Variants in VPS13D observed in about 807,000 individuals in gnomAD.
The protein encoded by VPS13D is intermembrane lipid transfer protein VPS13D.
Under a neutral mutation model 461.9 loss-of-function variants are expected in VPS13D, and 187 were observed. The ratio of observed to expected loss-of-function variants is 0.40; its 90% CI spans 0.36 to 0.46. The LOEUF is 0.46. Among genes scored for constraint, VPS13D ranks in the 20% least tolerant of loss-of-function variants. VPS13D has a pLI of 0.60. For synonymous variants in VPS13D, 1,951 were observed against 1,986.3 expected (o/e 0.98, Z 0.47); for missense variants, 4,711 against 5,364.9 (o/e 0.88, Z 3.81).
In VPS13D at chr1:12,288,321, G is replaced by GT; in HGVS notation, c.5725+9dup. ...CACACCTGGAAATGATTGGTAAGTG[G>GT]TGGGGGGTGGAGGGAAGCAAACTTG... is the stretch of plus-strand genomic sequence containing the variant. On this transcript the variant is annotated intron_variant, in intron 22 of 69. Coordinates refer to ENST00000620676, the MANE Select transcript of VPS13D (RefSeq NM_015378.4). 1 of 1,613,732 alleles carries GT rather than the reference G, an allele frequency of 6.2e-7. No homozygotes were observed. Among genetic ancestry groups the GT allele is most frequent in the Non-Finnish European group, 8.5e-7 (1 of 1,179,646 alleles).
chr1:12,241,218 C>G (rs1231255222), intron 2 of VPS13D, among the ~76,000 whole-genome samples: 1 of 152,210 alleles, frequency 6.6e-6, no homozygotes, highest in Admixed American at 6.5e-5. Flanking sequence ...GCTGGGATTA[C>G]AGGGGTGAGC....
intron 26 of VPS13D, among the ~76,000 whole-genome samples, chr1:12,307,295 G>A (rs551604985): frequency 6.6e-5 from 10 of 152,266 alleles, no homozygotes; most frequent in African/African-American, 2.4e-4. Flanking sequence ...AGAGAAGACT[G>A]AATTTAGATG....
intron 27 of VPS13D, among the ~76,000 whole-genome samples, chr1:12,310,094 C>CA (rs1237498123): frequency 3.8e-4 from 57 of 150,862 alleles, no homozygotes; most frequent in African/African-American, 1.1e-3. Flanking sequence ...CAATGCTTTC[C>CA]AAAAAACAAA....
chr1:12,363,324 T>A, intron 52 of VPS13D, 77 bp downstream of exon 52: 2 of 1,455,164 alleles, frequency 1.4e-6, no homozygotes, highest in East Asian at 2.3e-5. Flanking sequence ...AAGCCTTGTG[T>A]AAAATGGGCA....
chr1:12,319,111 A>T (rs1207640953), intron 31 of VPS13D, among the ~76,000 whole-genome samples: 2 of 152,240 alleles, frequency 1.3e-5, no homozygotes, highest in East Asian at 3.8e-4. Context: ...CCTGACCAGC[A>T]TTAGTAGCTG....
chr1:12,414,443 C>CA (rs1200857814), intron 63 of VPS13D, among the ~76,000 whole-genome samples: 1 of 152,156 alleles, frequency 6.6e-6, no homozygotes, highest in African/African-American at 2.4e-5. Flanking sequence ...TGGACGTTAA[C>CA]AAACTACAGC....
intron 65 of VPS13D, among the ~76,000 whole-genome samples, chr1:12,443,910 A>G (rs555623362): frequency 1.3e-5 from 2 of 151,538 alleles, no homozygotes; most frequent in South Asian, 4.2e-4. Flanking sequence ...CAGTGGCACA[A>G]TCTTGGCTCA....
rs769237427 is a variant in VPS13D, at chr1:12,283,159, A to G, written c.5057A>G (p.Lys1686Arg). The G allele has an allele frequency of 1.2e-6, 2 of 1,614,052 alleles. No individual in the cohort carries two copies. The highest frequency in any genetic ancestry group is 1.7e-6 in the Non-Finnish European group (2 of 1,180,028). The change falls in exon 21 of 70, where the codon AAG becomes AGG. Residue 1686 changes from lysine (K) to arginine (R), a missense_variant. By Grantham distance (26) the Lys-to-Arg change is conservative (BLOSUM62 2). Around this residue, in one of 3 missense-constraint regions of VPS13D, gnomAD observed 4,411 missense variants for 4,937.8 expected, o/e 0.89. Coordinates refer to ENST00000620676, the MANE Select transcript of VPS13D (RefSeq NM_015378.4). ...LLEKNPDSKY[K>R]NLMVSRGAPK... is the part of the protein sequence containing the mutation. ...GAGAAGAATCCAGATTCTAAATATA[A>G]GAACCTGATGGTGTCTCGAGGAGCC...
At chr1:12,282,464 C>T (rs1641813583) in intron 20 of VPS13D, among the ~76,000 whole-genome samples, 3 of 152,206 alleles carry the variant, frequency 2.0e-5, no homozygotes, top group Middle Eastern at 3.4e-3. Flanking sequence ...AGGCATAATC[C>T]GCAGTACTTA....
At chr1:12,241,900 C>G (rs966136241) in intron 2 of VPS13D, among the ~76,000 whole-genome samples, 1 of 152,044 alleles carries the variant, frequency 6.6e-6, no homozygotes, top group Non-Finnish European at 1.5e-5. Context: ...CCCAGAGATT[C>G]AGAGGTAGTT....
At chr1:12,362,607 T>A in intron 50 of VPS13D, 113 bp from the exon 51 acceptor site, 1 of 1,033,588 alleles carries the variant, frequency 9.7e-7, no homozygotes, top group Non-Finnish European at 1.4e-6. Context: ...CTCTGGGTGA[T>A]ACAGTTATTT....
chr1:12,500,192 A>G (rs145928804), intron 68 of VPS13D: 12,349 of 984,300 alleles, frequency 0.013, 192 homozygotes, highest in Admixed American at 0.099. Flanking sequence ...TATTTAATTA[A>G]TTAATATTAA....
In VPS13D at chr1:12,383,053, G is replaced by T. The variant is rs77496111; in HGVS notation, c.11268G>T (p.Gly3756=). 6.2e-7 allele frequency: 1 copy of T among 1,614,104 alleles called. No homozygotes were observed. Among genetic ancestry groups the T allele is most frequent in the South Asian group, 1.1e-5 (1 of 91,074 alleles). Residue 3756 remains glycine (G), a synonymous_variant, in exon 58 of 70, where the codon GGG becomes GGT. Coordinates refer to ENST00000620676, the MANE Select transcript of VPS13D (RefSeq NM_015378.4). ...LGPDTSMELL[G]PVPPEQQFIN... ...CTGACACTTCCATGGAGCTTTTGGG[G>T]CCAGTTCCACCTGAACAACAATTTA... is the stretch of plus-strand genomic sequence containing the variant.
chr1:12,399,437 C>T (rs186896288), intron 60 of VPS13D, among the ~76,000 whole-genome samples: 8 of 151,902 alleles, frequency 5.3e-5, no homozygotes, highest in South Asian at 2.1e-4. Flanking sequence ...CCTCGTGATC[C>T]GCCTGCCGCA....
intron 63 of VPS13D, among the ~76,000 whole-genome samples, chr1:12,404,674 C>T (rs887439520): frequency 6.6e-6 from 1 of 152,098 alleles, no homozygotes; most frequent in Non-Finnish European, 1.5e-5. Flanking sequence ...CTATACTATG[C>T]TTCCCCATAG....
chr1:12,327,930 T>A, intron 36 of VPS13D, 76 bp downstream of exon 36: 1 of 1,439,066 alleles, frequency 6.9e-7, no homozygotes, highest in East Asian at 2.3e-5. Context: ...CCTTTTTTTT[T>A]TTGTCATTCA....
At chr1:12,481,751 G>A (rs1208434157) in intron 67 of VPS13D, among the ~76,000 whole-genome samples, 1 of 152,218 alleles carries the variant, frequency 6.6e-6, no homozygotes, top group Non-Finnish European at 1.5e-5. Context: ...ATGAGAATCA[G>A]AAAGGACAGT....
At chr1:12,477,544 C>T (rs1037318693) in intron 67 of VPS13D, among the ~76,000 whole-genome samples, 2 of 152,168 alleles carry the variant, frequency 1.3e-5, no homozygotes, top group African/African-American at 4.8e-5. Flanking sequence ...GAAAGCCCTC[C>T]TCTTGGGCTA....
intron 60 of VPS13D, among the ~76,000 whole-genome samples, chr1:12,399,167 G>C (rs533971473): frequency 2.0e-5 from 3 of 151,596 alleles, no homozygotes; most frequent in Non-Finnish European, 4.4e-5. Context: ...GCAGGTTGTG[G>C]ACTTAAAAAA....
Sources: allele counts gnomAD v4.1 joint callset (sites outside exome capture counted in the v4.1 genomes callset), GRCh38; gene constraint gnomAD v4.1.1; regional missense constraint gnomAD v4.1.1; transcripts MANE v1.5; gene names NCBI Gene and HGNC (gene_info 2026-07-23, HGNC 2026-07-21).